The following GPM6A variants were observed in gnomAD, a reference collection of about 807,000 sequenced individuals.
GPM6A encodes the protein glycoprotein M6A, also known as neuronal membrane glycoprotein M6-a.
Under a neutral mutation model 32.1 loss-of-function variants are expected in GPM6A, and 7 were observed. That is an observed-to-expected ratio of 0.22 (90% CI 0.12 to 0.41). The LOEUF is 0.41. Ranked by LOEUF, GPM6A falls within the 10% of genes least tolerant of loss-of-function variation. The probability of loss-of-function intolerance (pLI) is 1.00; values close to 1 mark genes in which losing one functional copy is unlikely to be tolerated. For synonymous variants in GPM6A, 130 were observed against 123.4 expected (o/e 1.05, Z -0.35); for missense variants, 235 against 347.2 (o/e 0.68, Z 2.57).
At chr4:175,922,930 A>G (rs1453404848) in intron 1 of GPM6A, among the ~76,000 whole-genome samples, 1 of 152,106 alleles carries the variant, frequency 6.6e-6, no homozygotes, top group Non-Finnish European at 1.5e-5. Context: ...ATAAACAGAA[A>G]CACATCATTG....
At chr4:175,651,114 C>G (rs542887450) in intron 4 of GPM6A, among the ~76,000 whole-genome samples, 3 of 152,116 alleles carry the variant, frequency 2.0e-5, no homozygotes, top group Non-Finnish European at 4.4e-5. Flanking sequence ...CTATCTCTGT[C>G]AGTTGCTAGC....
At chr4:175,652,979 G>A (rs1346629313) in intron 3 of GPM6A, among the ~76,000 whole-genome samples, 1 of 152,032 alleles carries the variant, frequency 6.6e-6, no homozygotes, top group African/African-American at 2.4e-5. Flanking sequence ...TTTCAAAATA[G>A]CAGTACAGCA....
intron 1 of GPM6A, among the ~76,000 whole-genome samples, chr4:175,739,906 T>C (rs896443441): frequency 6.6e-6 from 1 of 152,042 alleles, no homozygotes; most frequent in African/African-American, 2.4e-5. Flanking sequence ...TTGTCAATGA[T>C]CATTTTATTC....
rs143192771 is a variant in GPM6A, at chr4:175,633,307, A to C, written c.*1598T>G. On this transcript the variant is annotated 3_prime_UTR_variant, in exon 7 of 7. Coordinates refer to ENST00000393658, the MANE Select transcript of GPM6A (RefSeq NM_201591.3). Reference sequence around the variant, plus strand: ...AGATAATCTAAGCATAAAGAAAAGGAAGCAAAATGAACCCCAAATTAATTA... The same window carrying C: ...AGATAATCTAAGCATAAAGAAAAGGCAGCAAAATGAACCCCAAATTAATTA... The C allele has an allele frequency of 1.5e-3, 235 of 152,594 alleles. No individual in the cohort carries two copies. Among genetic ancestry groups the C allele is most frequent in the Non-Finnish European group, 8.2e-4 (56 of 67,904 alleles). 9.5% of individuals were successfully genotyped at this position (152,594 alleles called of 1,614,324 possible).
At chr4:175,954,960 CCAGA>C (rs759847581) in intron 1 of GPM6A, among the ~76,000 whole-genome samples, 4 of 152,192 alleles carry the variant, frequency 2.6e-5, no homozygotes, top group Non-Finnish European at 5.9e-5. Flanking sequence ...AGTCAAAGGA[CCAGA>C]CAATGACCTC....
chr4:175,915,935 C>T (rs1179583716), intron 1 of GPM6A, among the ~76,000 whole-genome samples: 1 of 152,196 alleles, frequency 6.6e-6, no homozygotes, highest in African/African-American at 2.4e-5. Flanking sequence ...CTTGCGTGCA[C>T]ACGGGGACTG....
intron 1 of GPM6A, among the ~76,000 whole-genome samples, chr4:175,855,465 A>C (rs1736388530): frequency 6.6e-6 from 1 of 152,212 alleles, no homozygotes; most frequent in South Asian, 2.1e-4. Flanking sequence ...TATGAAAAAA[A>C]CTTAAGAGGT....
chr4:175,933,712 T>A (rs929708178), intron 1 of GPM6A, among the ~76,000 whole-genome samples: 35 of 152,230 alleles, frequency 2.3e-4, no homozygotes, highest in Middle Eastern at 6.8e-3. Flanking sequence ...CCGGCTAATT[T>A]TTTTTGTATT....
At chr4:175,894,073 T>G (rs1238167901) in intron 1 of GPM6A, among the ~76,000 whole-genome samples, 3 of 152,146 alleles carry the variant, frequency 2.0e-5, no homozygotes, top group Middle Eastern at 3.2e-3. Flanking sequence ...AACTCCTACT[T>G]CTGAGAATAC....
Position 175,719,457 on chromosome 4 carries a change from T to C in GPM6A, c.38-17690A>G, listed in dbSNP as rs1746006631. 2.0e-5 allele frequency among the ~76,000 whole-genome samples: 3 copies of C among 152,290 alleles called. No individual in the cohort carries two copies. The South Asian group carries it at 6.2e-4, about 32-fold the overall frequency. ...TCATATAACACAAAATTTTAAGCCA[T>C]ATTCTCAAATATTTCCTACATCAAA... On this transcript the variant is annotated intron_variant, in intron 1 of 6. Transcript: ENST00000393658.
chr4:175,914,134 G>A (rs1738409169), intron 1 of GPM6A, among the ~76,000 whole-genome samples: 1 of 151,106 alleles, frequency 6.6e-6, no homozygotes, highest in African/African-American at 2.4e-5. Flanking sequence ...GGGCAGGAGG[G>A]GAAAGAGAAA....
At chr4:175,831,066 A>G (rs2111367235) in intron 1 of GPM6A, among the ~76,000 whole-genome samples, 1 of 152,290 alleles carries the variant, frequency 6.6e-6, no homozygotes, top group East Asian at 1.9e-4. Flanking sequence ...AATGTCTATT[A>G]TTAGCATCTA....
intron 1 of GPM6A, among the ~76,000 whole-genome samples, chr4:175,710,540 T>A (rs1402901377): frequency 1.3e-5 from 2 of 152,232 alleles, no homozygotes; most frequent in Non-Finnish European, 2.9e-5. Context: ...TTTATTGCAT[T>A]ATTGTTAGGG....
At position 175,713,842 on chromosome 4, in the gene GPM6A, A is replaced by G. The variant is rs544594989; in HGVS notation, c.38-12075T>C. 1.2e-3 allele frequency among the ~76,000 whole-genome samples: 182 copies of G among 152,108 alleles called. 1 individual carries two copies. Among genetic ancestry groups the G allele is most frequent in the African/African-American group, 4.1e-3 (169 of 41,522 alleles). ...TTCACTGCATTTTTTGCTGAATCTC[A>G]TTATTTTTGATAGCGGTTGTTGGTT... is the stretch of plus-strand genomic sequence containing the variant. On this transcript the variant is annotated intron_variant, in intron 1 of 6. Transcript: ENST00000393658.
chr4:175,690,268 G>T (rs1744223403), intron 2 of GPM6A, among the ~76,000 whole-genome samples: 1 of 152,116 alleles, frequency 6.6e-6, no homozygotes, highest in Admixed American at 6.6e-5. Flanking sequence ...GTAAATTATT[G>T]GTGGCAATTA....
At chr4:175,889,518 C>CAAAAAAAAA (rs35210127) in intron 1 of GPM6A, among the ~76,000 whole-genome samples, 27 of 137,056 alleles carry the variant, frequency 2.0e-4, no homozygotes, top group African/African-American at 7.4e-4. Context: ...ACCCTGTCTC[C>CAAAAAAAAA]AAAAAAAAAA....
At chr4:175,702,728 G>T (rs906043464) in intron 1 of GPM6A, among the ~76,000 whole-genome samples, 1 of 152,122 alleles carries the variant, frequency 6.6e-6, no homozygotes, top group Non-Finnish European at 1.5e-5. Flanking sequence ...TATTGGTCAG[G>T]CTGGTCTCGA....
chr4:175,881,054 G>A (rs1469411803), intron 1 of GPM6A, among the ~76,000 whole-genome samples: 5 of 152,044 alleles, frequency 3.3e-5, no homozygotes, highest in Non-Finnish European at 4.4e-5. Flanking sequence ...GAGTGAACAG[G>A]CAACCTACAG....
intron 1 of GPM6A, among the ~76,000 whole-genome samples, chr4:175,862,695 C>CTTTAGTAACCAATCTAAATCCCCATCAGT (rs1736609670): frequency 6.6e-6 from 1 of 151,976 alleles, no homozygotes; most frequent in African/African-American, 2.4e-5. Context: ...ATTACATTAG[C>CTTTAGTAACCAATCTAAATCCCCATCAGT]ATTCCATTTA....
Sources: gnomAD v4.1 joint callset for allele counts (sites outside exome capture counted in the v4.1 genomes callset) on GRCh38, gnomAD v4.1.1 for gene constraint, MANE v1.5 for transcripts, NCBI Gene and HGNC (gene_info 2026-07-23, HGNC 2026-07-21) for gene names.